The following ASB5 variants were observed in gnomAD, a reference collection of about 807,000 sequenced individuals.
ASB5 encodes the protein ankyrin repeat and SOCS box containing 5.
ASB5 carries 45 observed loss-of-function variants against 42.1 expected under a neutral mutation model. The observed-to-expected ratio is 1.07, with a 90% CI of 0.84 to 1.37. ASB5 has a LOEUF of 1.37. ASB5 is among the 40% of genes most tolerant of loss of function. The pLI, the probability that ASB5 is intolerant of heterozygous loss-of-function variation, is 0.00. For synonymous variants in ASB5, 147 were observed against 150.6 expected (o/e 0.98, Z 0.18); for missense variants, 402 against 399.8 (o/e 1.01, Z -0.05).
chr4:176,229,331 C>T (rs889699496), intron 1 of ASB5, among the ~76,000 whole-genome samples: 6 of 152,090 alleles, frequency 3.9e-5, no homozygotes, highest in Admixed American at 3.3e-4. Flanking sequence ...TCATTCCTTT[C>T]TAGTATACCA....
chr4:176,265,859 G>A (rs1477587521), intron 1 of ASB5, among the ~76,000 whole-genome samples: 2 of 152,138 alleles, frequency 1.3e-5, no homozygotes, highest in African/African-American at 4.8e-5. Flanking sequence ...AGGACACTTA[G>A]CAGGAAGGAT....
At position 176,214,456 on chromosome 4, in the gene ASB5, G is replaced by A. The variant is rs1254094613; in HGVS notation, c.*1144C>T. 1 of 152,064 alleles carries A rather than the reference G, an allele frequency of 6.6e-6. No homozygotes were observed. Among genetic ancestry groups the A allele is most frequent in the Non-Finnish European group, 1.5e-5 (1 of 67,988 alleles). 9.4% of individuals were successfully genotyped at this position (152,064 alleles called of 1,614,324 possible). A position where few individuals can be genotyped will look rare whatever the true frequency, so the allele number is the denominator to read the frequency against. On this transcript the variant is annotated 3_prime_UTR_variant, in exon 7 of 7. Transcript: ENST00000296525. ...ATTGCACTCAAGTATAGTTAAAGCTGAAGAGAATAAACGTAGTATTTACCC... is the reference window on the plus strand; with the variant it reads ...ATTGCACTCAAGTATAGTTAAAGCTAAAGAGAATAAACGTAGTATTTACCC...
At chr4:176,244,985 A>G (rs1753881782) in intron 1 of ASB5, among the ~76,000 whole-genome samples, 1 of 152,148 alleles carries the variant, frequency 6.6e-6, no homozygotes. Context: ...ATAACAAAAA[A>G]GATGACCCAG....
intron 1 of ASB5, among the ~76,000 whole-genome samples, chr4:176,266,394 C>G (rs1347206833): frequency 3.9e-5 from 6 of 152,078 alleles, no homozygotes; most frequent in Non-Finnish European, 4.4e-5. Context: ...TAATCTCTCC[C>G]AGGAAGGAGG....
intron 1 of ASB5, among the ~76,000 whole-genome samples, chr4:176,229,706 T>C (rs966932935): frequency 3.3e-5 from 5 of 151,846 alleles, no homozygotes; most frequent in Non-Finnish European, 5.9e-5. Flanking sequence ...AGATATTACG[T>C]ATGTGCACTT....
intron 5 of ASB5, 83 bp from the exon 6 acceptor site, chr4:176,217,092 G>A: frequency 8.6e-7 from 1 of 1,161,768 alleles, no homozygotes. Flanking sequence ...GAAAAGGAAA[G>A]GCAATAGAGG....
chr4:176,267,997 T>C (rs1044534016), intron 1 of ASB5, among the ~76,000 whole-genome samples: 2 of 152,182 alleles, frequency 1.3e-5, no homozygotes, highest in Non-Finnish European at 2.9e-5. Flanking sequence ...GTTTAAATTG[T>C]GTGATAGTAA....
At chr4:176,254,434 G>A (rs896771445) in intron 1 of ASB5, among the ~76,000 whole-genome samples, 2 of 151,930 alleles carry the variant, frequency 1.3e-5, no homozygotes, top group Non-Finnish European at 2.9e-5. Context: ...ATATTTAAAT[G>A]TAGATCCTCA....
intron 1 of ASB5, among the ~76,000 whole-genome samples, chr4:176,231,176 T>G (rs995568783): frequency 6.6e-6 from 1 of 151,792 alleles, no homozygotes. Context: ...AATCACCATC[T>G]CCCCACGGCA....
In ASB5 at chr4:176,268,948, A is replaced by G. The variant is rs1754414696; in HGVS notation, c.161T>C (p.Ile54Thr). ...VKGNRKEAAR[I>T]AAEFYGVTQG... is the part of the protein sequence containing the mutation. ...GGTTACTCCATAAAATTCAGCTGCTATCCTTGCCGCTTCCTTGCGGTTGCC... is the reference window on the plus strand; with the variant it reads ...GGTTACTCCATAAAATTCAGCTGCTGTCCTTGCCGCTTCCTTGCGGTTGCC... The change falls in exon 1 of 7, where the codon ATA becomes ACA. Residue 54 changes from isoleucine (I) to threonine (T), a missense_variant. Coordinates refer to ENST00000296525, the MANE Select transcript of ASB5 (RefSeq NM_080874.4). 1 of 1,612,988 alleles carries G rather than the reference A, an allele frequency of 6.2e-7. No homozygotes were observed. The highest frequency in any genetic ancestry group is 1.1e-5 in the South Asian group (1 of 90,926).
chr4:176,249,173 G>A (rs1753971331), intron 1 of ASB5, among the ~76,000 whole-genome samples: 1 of 152,130 alleles, frequency 6.6e-6, no homozygotes, highest in African/African-American at 2.4e-5. Context: ...CGCCATCTTG[G>A]CCAGGCTGGT....
At chr4:176,217,139 A>C in intron 5 of ASB5, 130 bp from the exon 6 acceptor site, 1 of 704,294 alleles carries the variant, frequency 1.4e-6, no homozygotes, top group East Asian at 2.6e-5. Flanking sequence ...ATTTGTTATG[A>C]GTTATTTCTT....
chr4:176,265,017 C>A (rs1171344423), intron 1 of ASB5, among the ~76,000 whole-genome samples: 5 of 152,080 alleles, frequency 3.3e-5, no homozygotes, highest in African/African-American at 1.2e-4. Context: ...CTCTCTCGTC[C>A]AACTCCAAAG....
intron 5 of ASB5, among the ~76,000 whole-genome samples, chr4:176,219,937 A>G (rs1489843293): frequency 7.9e-5 from 12 of 152,246 alleles, no homozygotes; most frequent in South Asian, 4.1e-4. Context: ...GGGGTGTCCA[A>G]TCGTTTGGTT....
intron 1 of ASB5, among the ~76,000 whole-genome samples, chr4:176,233,538 G>C (rs542441206): frequency 1.3e-5 from 2 of 152,210 alleles, no homozygotes; most frequent in Non-Finnish European, 2.9e-5. Flanking sequence ...CCATCACCTG[G>C]TAATGATAAT....
chr4:176,246,676 G>A (rs1466846730), intron 1 of ASB5, among the ~76,000 whole-genome samples: 1 of 152,214 alleles, frequency 6.6e-6, no homozygotes, highest in East Asian at 1.9e-4. Context: ...CTCAAAGTGA[G>A]ATACTTCCTT....
At chr4:176,230,399 A>G (rs1419694628) in intron 1 of ASB5, among the ~76,000 whole-genome samples, 1 of 152,182 alleles carries the variant, frequency 6.6e-6, no homozygotes. Context: ...AACTGCTGTT[A>G]TATTTTTTCT....
At position 176,268,981 on chromosome 4, in the gene ASB5, A is replaced by G. The variant is rs762900651; in HGVS notation, c.128T>C (p.Ile43Thr). The change falls in exon 1 of 7, where the codon ATA becomes ACA. Residue 43 changes from isoleucine (I) to threonine (T), a missense_variant. Coordinates refer to ENST00000296525, the MANE Select transcript of ASB5 (RefSeq NM_080874.4). ...ISLAILSHFYIVKGNRKEAAR... is the reference protein window; with the variant it reads ...ISLAILSHFYTVKGNRKEAAR... ...CGCTTCCTTGCGGTTGCCTTTCACT[A>G]TGTAGAAATGACTGAGGATGGCAAG... The G allele has an allele frequency of 5.6e-6, 9 of 1,613,558 alleles. No individual in the cohort carries two copies. Among genetic ancestry groups the G allele is most frequent in the South Asian group, 3.3e-5 (3 of 91,042 alleles).
At chr4:176,266,663 A>T (rs1404210138) in intron 1 of ASB5, among the ~76,000 whole-genome samples, 1 of 152,112 alleles carries the variant, frequency 6.6e-6, no homozygotes, top group East Asian at 1.9e-4. Flanking sequence ...TTAAAATTAT[A>T]ATACTATATT....
Sources: allele counts gnomAD v4.1 joint callset (sites outside exome capture counted in the v4.1 genomes callset), GRCh38; gene constraint gnomAD v4.1.1; transcripts MANE v1.5; gene names NCBI Gene and HGNC (gene_info 2026-07-23, HGNC 2026-07-21).